The following MALRD1 variants were observed in gnomAD, a reference collection of about 807,000 sequenced individuals.
The protein encoded by MALRD1 is MAM and LDL-receptor class A domain-containing protein 1.
Under a neutral mutation model 242.1 loss-of-function variants are expected in MALRD1, and 247 were observed. The ratio of observed to expected loss-of-function variants is 1.02; its 90% CI spans 0.92 to 1.13. The LOEUF is 1.13. Ranked by LOEUF, MALRD1 falls within the 50% of genes most tolerant of loss-of-function variation. The pLI is 0.00. For synonymous variants in MALRD1, 995 were observed against 866.6 expected (o/e 1.15, Z -2.60); for missense variants, 2,989 against 2,533.1 (o/e 1.18, Z -3.86).
chr10:19,352,861 A>G (rs1172515321), intron 26 of MALRD1, among the ~76,000 whole-genome samples: 1 of 152,188 alleles, frequency 6.6e-6, no homozygotes. Flanking sequence ...TCCTACAGAT[A>G]CAATGTTGTA....
At chr10:19,490,403 AT>A (rs1837430138) in intron 29 of MALRD1, among the ~76,000 whole-genome samples, 1 of 150,790 alleles carries the variant, frequency 6.6e-6, no homozygotes, top group African/African-American at 2.4e-5. Context: ...ATCTGGAACA[AT>A]GTTTTCTGCA....
At position 19,366,129 on chromosome 10, in the gene MALRD1, A is replaced by G. The variant is rs556417527; in HGVS notation, c.4441+13832A>G. Among the ~76,000 whole-genome samples the G allele has an allele frequency of 3.3e-5, 5 of 151,964 alleles. No homozygotes were observed. In the East Asian group the frequency reaches 9.6e-4, roughly 29 times the overall value. ...TACATTTATTGTATACTTTATTTCT[A>G]TTATTATTACTACACTGTAATATGT... is the stretch of plus-strand genomic sequence containing the variant. On this transcript the variant is annotated intron_variant, in intron 26 of 39. Transcript: ENST00000454679.
intron 18 of MALRD1, among the ~76,000 whole-genome samples, chr10:19,250,809 C>G (rs1839262668): frequency 6.6e-6 from 1 of 151,868 alleles, no homozygotes; most frequent in South Asian, 2.1e-4. Flanking sequence ...CCCACATCCT[C>G]CGTCTCTCTG....
At chr10:19,209,793 A>G (rs2245136) in intron 18 of MALRD1, 113 bp downstream of exon 18, 840,670 of 1,060,852 alleles carry the variant, frequency 0.79, 333,882 homozygotes, top group African/African-American at 0.87. Flanking sequence ...TCAAAGTTAC[A>G]TTGAGACACA....
At chr10:19,582,113 T>C (rs907019006) in intron 33 of MALRD1, among the ~76,000 whole-genome samples, 3 of 152,118 alleles carry the variant, frequency 2.0e-5, no homozygotes, top group Admixed American at 1.3e-4. Flanking sequence ...TTGTAGATCC[T>C]GGATATTAGC....
At chr10:19,374,921 A>G (rs1028108943) in intron 26 of MALRD1, among the ~76,000 whole-genome samples, 18 of 152,184 alleles carry the variant, frequency 1.2e-4, no homozygotes, top group African/African-American at 3.4e-4. Context: ...CCATCTAAGA[A>G]TTGTAAATCA....
chr10:19,573,346 C>G (rs1836653083), intron 33 of MALRD1, among the ~76,000 whole-genome samples: 3 of 152,192 alleles, frequency 2.0e-5, no homozygotes, highest in Admixed American at 2.0e-4. Flanking sequence ...ATCAGGGCAC[C>G]TACCCAGCTC....
At chr10:19,645,320 T>C (rs901760462) in intron 36 of MALRD1, among the ~76,000 whole-genome samples, 10 of 152,340 alleles carry the variant, frequency 6.6e-5, no homozygotes, top group African/African-American at 1.9e-4. Flanking sequence ...GTCAGTGTGG[T>C]GATTCCTCAG....
In MALRD1 at chr10:19,719,171, C is replaced by CATAT. The variant is rs1230730939; in HGVS notation, c.6315-11532_6315-11531insTATA. 8.6e-3 allele frequency among the ~76,000 whole-genome samples: 598 copies of CATAT among 69,578 alleles called. 27 individuals are homozygous for CATAT. Among genetic ancestry groups the CATAT allele is most frequent in the African/African-American group, 0.046 (574 of 12,384 alleles). 45.6% of individuals were successfully genotyped at this position (69,578 alleles called of 152,430 possible). A position where few individuals can be genotyped will look rare whatever the true frequency, so the allele number is the denominator to read the frequency against. ...TGTCCAAATTATATATATATATATA[C>CATAT]ATACATATATATATATATACATACA... On this transcript the variant is annotated intron_variant, in intron 38 of 39. Transcript: ENST00000454679.
intron 2 of MALRD1, 98 bp downstream of exon 2, chr10:19,066,957 T>G: frequency 2.3e-6 from 2 of 855,804 alleles, no homozygotes; most frequent in Non-Finnish European, 3.1e-6. Context: ...CTTTCTTCCG[T>G]TCCCCACCAC....
rs11443184 is a variant in MALRD1, at chr10:19,176,366, CTTT to C, written c.1951+1055_1951+1057del. ...TCGAGAGAGTGTATATTTCTGGGTG[CTTT>C]TTTTTTTTTTTTTTTTGAGACGGAG... is the stretch of plus-strand genomic sequence containing the variant. On this transcript the variant is annotated intron_variant, in intron 14 of 39. Coordinates refer to ENST00000454679, the MANE Select transcript of MALRD1 (RefSeq NM_001142308.3). Among the ~76,000 whole-genome samples, 11 of 87,300 alleles carry C rather than the reference CTTT, an allele frequency of 1.3e-4. 2 individuals carry two copies. The highest frequency in any genetic ancestry group is 1.8e-4 in the Non-Finnish European group (8 of 43,400). The allele number at this position is 87,300 out of a possible 152,430, so 57.3% of individuals were successfully genotyped here.
intron 32 of MALRD1, among the ~76,000 whole-genome samples, chr10:19,532,598 C>A (rs2131353158): frequency 6.6e-6 from 1 of 152,182 alleles, no homozygotes; most frequent in East Asian, 1.9e-4. Context: ...TTCTCAGATT[C>A]TCTGTGGTCA....
rs571619649 is a variant in MALRD1, at chr10:19,618,960, C to G, written c.6137+3037C>G. On this transcript the variant is annotated intron_variant, in intron 36 of 39. Transcript: ENST00000454679. ...TACACTCGCTCACTCTCTAATCTTG[C>G]CTAGCCTTGGACCTGTGAATAAAAT... Among the ~76,000 whole-genome samples, 92 of 152,104 alleles carry G rather than the reference C, an allele frequency of 6.0e-4. No individual in the cohort carries two copies. In the Middle Eastern group the frequency reaches 0.01, roughly 17 times the overall value.
At chr10:19,726,133 A>G (rs1835014575) in intron 38 of MALRD1, among the ~76,000 whole-genome samples, 1 of 152,248 alleles carries the variant, frequency 6.6e-6, no homozygotes, top group Non-Finnish European at 1.5e-5. Context: ...ACTTTTGTGC[A>G]ACAAAAGACA....
intron 24 of MALRD1, among the ~76,000 whole-genome samples, chr10:19,345,762 CT>C (rs398114138): frequency 2.4e-4 from 36 of 148,234 alleles, no homozygotes; most frequent in South Asian, 1.1e-3. Context: ...TTGAAGTAAT[CT>C]TTTTTTTTTT....
chr10:19,659,373 A>G (rs1053811009), intron 36 of MALRD1, among the ~76,000 whole-genome samples: 9 of 152,192 alleles, frequency 5.9e-5, no homozygotes, highest in African/African-American at 2.2e-4. Context: ...ATAAGCAAAC[A>G]GAAACACAAA....
intron 26 of MALRD1, among the ~76,000 whole-genome samples, chr10:19,357,876 T>G (rs1844704590): frequency 6.6e-6 from 1 of 152,058 alleles, no homozygotes; most frequent in Non-Finnish European, 1.5e-5. Context: ...AATGTATATA[T>G]TTAGGAAGAT....
At chr10:19,643,691 A>G (rs970866764) in intron 36 of MALRD1, among the ~76,000 whole-genome samples, 6 of 152,314 alleles carry the variant, frequency 3.9e-5, no homozygotes, top group Admixed American at 2.6e-4. Flanking sequence ...CATATTTATT[A>G]GTATACAGTA....
chr10:19,635,612 T>C (rs1029308329), intron 36 of MALRD1, among the ~76,000 whole-genome samples: 8 of 152,182 alleles, frequency 5.3e-5, no homozygotes, highest in Non-Finnish European at 1.0e-4. Context: ...ATATATGTGA[T>C]ATATGGATGA....
Sources: gnomAD v4.1 joint callset for allele counts (sites outside exome capture counted in the v4.1 genomes callset) on GRCh38, gnomAD v4.1.1 for gene constraint, MANE v1.5 for transcripts, NCBI Gene and HGNC (gene_info 2026-07-23, HGNC 2026-07-21) for gene names.